The following SH3BGRL variants were observed in gnomAD, a reference collection of about 807,000 sequenced individuals.
SH3BGRL encodes the protein SH3 domain binding glutamate rich protein like.
In SH3BGRL, 7 loss-of-function variants were observed where a neutral mutation model predicts 9.8. The observed-to-expected ratio is 0.72, with a 90% CI of 0.41 to 1.35. The LOEUF (loss-of-function observed/expected upper bound fraction) is 1.35. Among genes scored for constraint, SH3BGRL ranks in the 40% most tolerant of loss-of-function variants. SH3BGRL has a pLI of 0.01. For synonymous variants in SH3BGRL, 36 were observed against 29.1 expected, an observed-to-expected ratio of 1.24 and a Z score of -0.76; for missense variants, 73 against 84.4, an observed-to-expected ratio of 0.86 and a Z score of 0.53.
intron 1 of SH3BGRL, among the ~76,000 whole-genome samples, chrX:81,263,035 A>G (rs1037251813): frequency 5.4e-5 from 6 of 110,373 alleles, no homozygotes; most frequent in Non-Finnish European, 1.1e-4. Flanking sequence ...TTAAGCTCCA[A>G]ACTGGGTGGT....
At chrX:81,288,305 A>T (rs2075844082) in intron 3 of SH3BGRL, among the ~76,000 whole-genome samples, 1 of 112,203 alleles carries the variant, frequency 8.9e-6, no homozygotes, top group African/African-American at 3.2e-5. Context: ...AATAAAAGCC[A>T]TATATGACTG....
intron 1 of SH3BGRL, among the ~76,000 whole-genome samples, chrX:81,271,539 C>T (rs761793819): frequency 1.0e-3 from 114 of 111,759 alleles, no homozygotes; most frequent in African/African-American, 3.6e-3. Flanking sequence ...TTAACCAAGA[C>T]TTGTTTCTTG....
At chrX:81,239,540 A>G (rs959288517) in intron 1 of SH3BGRL, among the ~76,000 whole-genome samples, 3 of 111,875 alleles carry the variant, frequency 2.7e-5, no homozygotes, top group Non-Finnish European at 5.6e-5. Flanking sequence ...AATGGTGGAA[A>G]AGGGCAAATC....
chrX:81,290,193 A>G (rs1241753302), intron 3 of SH3BGRL, among the ~76,000 whole-genome samples: 1 of 111,912 alleles, frequency 8.9e-6, no homozygotes, highest in Non-Finnish European at 1.9e-5. Context: ...CTAAAAGTAG[A>G]ACTACCATAT....
rs796332219 is a variant in SH3BGRL, at chrX:81,263,745, A to AT, written c.46-13229dup. Among the ~76,000 whole-genome samples, 79 of 107,498 alleles carry AT rather than the reference A, an allele frequency of 7.3e-4. 1 individual carries two copies. In the South Asian group the frequency reaches 0.023, roughly 31 times the overall value. The allele number at this position is 107,498 out of a possible 115,157, so 93.3% of individuals were successfully genotyped here. ...TTGCTCTTTAAAAAGTTCGTTGGGC[A>AT]TTTTTTTTTTAAAGTGATGGGTGCA... On this transcript the variant is annotated intron_variant, in intron 1 of 3. Transcript: ENST00000373212.
chrX:81,266,865 G>A (rs970205484), intron 1 of SH3BGRL, among the ~76,000 whole-genome samples: 3 of 111,748 alleles, frequency 2.7e-5, no homozygotes, highest in Admixed American at 9.5e-5. Context: ...ATTTGTTTGT[G>A]TCCTCTCTTA....
intron 1 of SH3BGRL, among the ~76,000 whole-genome samples, chrX:81,241,187 G>A (rs2075667911): frequency 8.9e-6 from 1 of 112,289 alleles, no homozygotes. Flanking sequence ...AGCAGACCCT[G>A]CTGCCTCAGC....
intron 1 of SH3BGRL, among the ~76,000 whole-genome samples, chrX:81,262,415 T>C (rs903291079): frequency 9.0e-6 from 1 of 111,356 alleles, no homozygotes; most frequent in Non-Finnish European, 1.9e-5. Context: ...AGTATAATTA[T>C]CAGAAAAGCA....
intron 1 of SH3BGRL, among the ~76,000 whole-genome samples, chrX:81,268,345 T>C (rs1305921319): frequency 8.9e-6 from 1 of 112,115 alleles, no homozygotes; most frequent in East Asian, 2.8e-4. Context: ...CTGTTTTTTC[T>C]TGTGGGCATT....
Position 81,224,782 on chromosome X carries a change from G to C in SH3BGRL, c.45+22537G>C, listed in dbSNP as rs781240142. The stretch of plus-strand genomic sequence containing the variant: ...ATTTTTGGATATGGTATAATAAATG[G>C]ATTATGAATCATCCTTTGTTCAATC... On this transcript the variant is annotated intron_variant, in intron 1 of 3. Transcript: ENST00000373212. 5.4e-5 allele frequency among the ~76,000 whole-genome samples: 6 copies of C among 111,381 alleles called. 1 individual carries two copies. The South Asian group carries it at 2.2e-3, about 42-fold the overall frequency.
chrX:81,227,696 T>C (rs1482925522), intron 1 of SH3BGRL, among the ~76,000 whole-genome samples: 1 of 112,263 alleles, frequency 8.9e-6, no homozygotes, highest in African/African-American at 3.2e-5. Flanking sequence ...AATAATAACA[T>C]TTACTTGCAA....
intron 1 of SH3BGRL, among the ~76,000 whole-genome samples, chrX:81,245,072 G>T (rs1256901954): frequency 8.9e-6 from 1 of 111,925 alleles, no homozygotes; most frequent in Admixed American, 9.5e-5. Context: ...GGCCAAAACA[G>T]GCTTGGATTG....
intron 1 of SH3BGRL, among the ~76,000 whole-genome samples, chrX:81,219,166 G>A (rs1250452656): frequency 9.1e-6 from 1 of 110,042 alleles, no homozygotes; most frequent in South Asian, 3.8e-4. Context: ...TGGTCATCAG[G>A]TTACATAAAA....
intron 3 of SH3BGRL, among the ~76,000 whole-genome samples, chrX:81,287,998 C>T (rs1262949691): frequency 9.1e-6 from 1 of 110,127 alleles, no homozygotes; most frequent in Non-Finnish European, 1.9e-5. Flanking sequence ...AAAGAAACTA[C>T]AGGACAATAT....
chrX:81,218,205 T>C (rs747970358), intron 1 of SH3BGRL, among the ~76,000 whole-genome samples: 1 of 111,022 alleles, frequency 9.0e-6, no homozygotes, highest in Admixed American at 9.6e-5. Context: ...TTGTCCATCC[T>C]GCCATTCTGT....
At chrX:81,265,429 A>G (rs923621893) in intron 1 of SH3BGRL, among the ~76,000 whole-genome samples, 2 of 109,848 alleles carry the variant, frequency 1.8e-5, no homozygotes, top group Non-Finnish European at 3.8e-5. Flanking sequence ...CTCATTGTTC[A>G]ACTCCCGCTT....
chrX:81,289,179 G>A (rs2075847904), intron 3 of SH3BGRL, among the ~76,000 whole-genome samples: 1 of 112,251 alleles, frequency 8.9e-6, no homozygotes, highest in South Asian at 3.7e-4. Context: ...CTGGGGAAAA[G>A]AGAGTCACTT....
At chrX:81,213,510 A>T (rs1194230226) in intron 1 of SH3BGRL, among the ~76,000 whole-genome samples, 1 of 111,963 alleles carries the variant, frequency 8.9e-6, no homozygotes, top group African/African-American at 3.2e-5. Flanking sequence ...AGCTTTAGCA[A>T]TTGCCTCTTA....
chrX:81,268,218 C>A (rs2075764534), intron 1 of SH3BGRL, among the ~76,000 whole-genome samples: 2 of 110,879 alleles, frequency 1.8e-5, no homozygotes, highest in Admixed American at 9.6e-5. Context: ...TCTCTATCTC[C>A]TTCAGTTCTG....
Sources: allele counts gnomAD v4.1 joint callset (sites outside exome capture counted in the v4.1 genomes callset), GRCh38; gene constraint gnomAD v4.1.1; transcripts MANE v1.5; gene names NCBI Gene and HGNC (gene_info 2026-07-23, HGNC 2026-07-21).